EPHA6: variants seen among roughly 807,000 people sequenced by gnomAD.
EPHA6 encodes the protein ephrin type-A receptor 6.
EPHA6 carries 50 observed loss-of-function variants against 112.0 expected under a neutral mutation model. The observed-to-expected ratio is 0.45, with a 90% confidence interval of 0.36 to 0.56. The LOEUF is 0.56. Among genes scored for constraint, EPHA6 ranks in the 20% least tolerant of loss-of-function variants. The pLI, the probability that EPHA6 is intolerant of heterozygous loss-of-function variation, is 0.00. For synonymous variants in EPHA6, 529 were observed against 490.7 expected, an observed-to-expected ratio of 1.08 and a Z score of -1.03; for missense variants, 1,280 against 1,417.4, an observed-to-expected ratio of 0.90 and a Z score of 1.56.
intron 15 of EPHA6, among the ~76,000 whole-genome samples, chr3:97,724,450 G>A (rs972011925): frequency 7.2e-5 from 11 of 152,108 alleles, no homozygotes; most frequent in African/African-American, 2.4e-4. Flanking sequence ...ATGTGTATGT[G>A]GGGTGGGGAT....
chr3:97,556,291 G>A (rs979340271), intron 11 of EPHA6, among the ~76,000 whole-genome samples: 6 of 151,950 alleles, frequency 3.9e-5, no homozygotes, highest in African/African-American at 1.4e-4. Context: ...CTTCCTTCAT[G>A]ACTGTCATTT....
rs575132446 is a variant in EPHA6, at chr3:97,761,305, G to T, written c.*12604G>T. On this transcript the variant is annotated 3_prime_UTR_variant, in exon 18 of 18. Coordinates refer to ENST00000389672, the MANE Select transcript of EPHA6 (RefSeq NM_001080448.3). ...CAGCTCTCAATATGAGGGGTTGTTTGTGGTGAATTGCATAACATATGTCAT... is the reference window on the plus strand; with the variant it reads ...CAGCTCTCAATATGAGGGGTTGTTTTTGGTGAATTGCATAACATATGTCAT... 5.1e-4 allele frequency: 99 copies of T among 194,290 alleles called. No homozygotes were observed. Among genetic ancestry groups the T allele is most frequent in the African/African-American group, 2.3e-3 (98 of 43,268 alleles). 12.0% of individuals were successfully genotyped at this position (194,290 alleles called of 1,614,324 possible). A position where few individuals can be genotyped will look rare whatever the true frequency, so the allele number is the denominator to read the frequency against.
intron 2 of EPHA6, among the ~76,000 whole-genome samples, chr3:96,904,247 C>T (rs185098731): frequency 4.6e-5 from 7 of 151,972 alleles, no homozygotes; most frequent in African/African-American, 1.7e-4. Context: ...GAAAATGTGG[C>T]ACATATACAC....
intron 1 of EPHA6, among the ~76,000 whole-genome samples, chr3:96,864,745 T>A (rs992940571): frequency 4.0e-5 from 6 of 151,754 alleles, no homozygotes; most frequent in Admixed American, 3.9e-4. Context: ...CTTATAGATT[T>A]AAAAAAAACA....
At chr3:97,425,216 C>A (rs1005096728) in intron 6 of EPHA6, among the ~76,000 whole-genome samples, 2 of 152,166 alleles carry the variant, frequency 1.3e-5, no homozygotes, top group African/African-American at 2.4e-5. Context: ...CTAGGCAGTA[C>A]CCCACTGGGG....
intron 5 of EPHA6, among the ~76,000 whole-genome samples, chr3:97,365,343 C>T (rs2084654323): frequency 6.6e-6 from 1 of 151,980 alleles, no homozygotes; most frequent in African/African-American, 2.4e-5. Flanking sequence ...TACTACCCTA[C>T]AGACATCATT....
In EPHA6 at chr3:97,241,792, A is replaced by G. The variant is rs553970566; in HGVS notation, c.1271-2160A>G. On this transcript the variant is annotated intron_variant, in intron 4 of 17. Transcript: ENST00000389672. ...TTTTGTTTTTTTTTTTAGTATCTGC[A>G]GGCGGACAGTTATATACTTATAGAC... Among the ~76,000 whole-genome samples the G allele has an allele frequency of 3.1e-4, 44 of 139,910 alleles. No individual in the cohort carries two copies. In the East Asian group the frequency reaches 7.7e-3, roughly 24 times the overall value. 91.8% of individuals were successfully genotyped at this position (139,910 alleles called of 152,430 possible). A position where few individuals can be genotyped will look rare whatever the true frequency, so the allele number is the denominator to read the frequency against.
chr3:96,929,435 C>T (rs562702603), intron 2 of EPHA6, among the ~76,000 whole-genome samples: 2 of 152,278 alleles, frequency 1.3e-5, no homozygotes, highest in South Asian at 2.1e-4. Flanking sequence ...CACATGATGA[C>T]GAATTCCCTC....
intron 14 of EPHA6, among the ~76,000 whole-genome samples, chr3:97,718,989 T>C (rs2034381206): frequency 6.6e-6 from 1 of 151,048 alleles, no homozygotes. Flanking sequence ...AACAATTCCA[T>C]GCTACTAGTC....
intron 13 of EPHA6, among the ~76,000 whole-genome samples, chr3:97,614,895 G>A (rs771330870): frequency 2.6e-5 from 4 of 152,090 alleles, no homozygotes; most frequent in Non-Finnish European, 5.9e-5. Flanking sequence ...GAAAGAAATG[G>A]TAAGTTTAAT....
rs1004542632 is a variant in EPHA6, at chr3:97,250,773, C to G, written c.1606+6486C>G. On this transcript the variant is annotated intron_variant, in intron 5 of 17. Coordinates refer to ENST00000389672, the MANE Select transcript of EPHA6 (RefSeq NM_001080448.3). ...ATTTGATTTCATTAACTGAACTCTG[C>G]CTACAAAATGAATGAGATGATTTGG... Among the ~76,000 whole-genome samples the G allele has an allele frequency of 1.3e-5, 2 of 152,062 alleles. 1 individual carries two copies. Among genetic ancestry groups the G allele is most frequent in the South Asian group, 4.1e-4 (2 of 4,824 alleles).
intron 10 of EPHA6, among the ~76,000 whole-genome samples, chr3:97,513,438 AATGGATTTTTTAAAATGTGATGTGGTAT>A: frequency 6.6e-6 from 1 of 152,326 alleles, no homozygotes; most frequent in East Asian, 1.9e-4. Context: ...CCAACAGATA[AATGGATTTTTTAAAATGTGATGTGGTAT>A]ATGTACACAA....
rs142838554 is a variant in EPHA6 at position 96,923,660 on chromosome 3, T to C, written c.450+56771T>C. 4.0e-3 allele frequency among the ~76,000 whole-genome samples: 605 copies of C among 152,316 alleles called. 6 individuals are homozygous for C. The highest frequency in any genetic ancestry group is 0.014 in the African/African-American group (562 of 41,588). ...TTAATTAGAGCTCAATTTTTTCTTC[T>C]TTTGCAGTTACTTTTGGCATCTTCA... On this transcript the variant is annotated intron_variant, in intron 2 of 17. Coordinates refer to ENST00000389672, the MANE Select transcript of EPHA6 (RefSeq NM_001080448.3).
At chr3:97,075,240 G>A (rs2108174237) in intron 3 of EPHA6, among the ~76,000 whole-genome samples, 1 of 152,036 alleles carries the variant, frequency 6.6e-6, no homozygotes, top group African/African-American at 2.4e-5. Flanking sequence ...TATCTAGATT[G>A]TTTTTGTCAA....
intron 1 of EPHA6, among the ~76,000 whole-genome samples, chr3:96,832,008 C>T (rs529761056): frequency 2.6e-5 from 4 of 151,982 alleles, no homozygotes; most frequent in Admixed American, 6.6e-5. Context: ...TTGAGTGGGT[C>T]AAGCCCCTGC....
At chr3:96,854,886 A>T (rs1281776415) in intron 1 of EPHA6, among the ~76,000 whole-genome samples, 1 of 152,206 alleles carries the variant, frequency 6.6e-6, no homozygotes, top group Non-Finnish European at 1.5e-5. Flanking sequence ...TTACTGCTGT[A>T]ACAAATTACT....
chr3:97,317,875 A>C (rs1327631500), intron 5 of EPHA6, among the ~76,000 whole-genome samples: 1 of 151,962 alleles, frequency 6.6e-6, no homozygotes, highest in Non-Finnish European at 1.5e-5. Context: ...CAGAAGCTGG[A>C]GAAGAACTGT....
chr3:97,681,013 A>G (rs887974275), intron 14 of EPHA6, among the ~76,000 whole-genome samples: 3 of 152,178 alleles, frequency 2.0e-5, no homozygotes, highest in Non-Finnish European at 2.9e-5. Context: ...AGTAAAGACA[A>G]AAATGATAAG....
At position 97,759,387 on chromosome 3, in the gene EPHA6, G is replaced by A. The variant is rs1365138337; in HGVS notation, c.*10686G>A. On this transcript the variant is annotated 3_prime_UTR_variant, in exon 18 of 18. Coordinates refer to ENST00000389672, the MANE Select transcript of EPHA6 (RefSeq NM_001080448.3). ...ATAAACAACTCTCTCAAAAAGCTTT[G>A]ATGTAAAGGGAGCAAGAGAAATAGG... The A allele has an allele frequency of 4.4e-6, 1 of 225,068 alleles. No homozygotes were observed. Among genetic ancestry groups the A allele is most frequent in the Non-Finnish European group, 8.9e-6 (1 of 112,978 alleles). 13.9% of individuals were successfully genotyped at this position (225,068 alleles called of 1,614,324 possible). A position where few individuals can be genotyped will look rare whatever the true frequency, so the allele number is the denominator to read the frequency against.
Sources: gnomAD v4.1 joint callset for allele counts (sites outside exome capture counted in the v4.1 genomes callset) on GRCh38, gnomAD v4.1.1 for gene constraint, MANE v1.5 for transcripts, NCBI Gene and HGNC (gene_info 2026-07-23, HGNC 2026-07-21) for gene names.